Variants in SNX10 observed in about 807,000 individuals in gnomAD.
The protein encoded by SNX10 is sorting nexin 10.
SNX10 carries 25 observed loss-of-function variants against 28.5 expected under a neutral mutation model. That is an observed-to-expected ratio of 0.88 (90% CI 0.64 to 1.22). The LOEUF is 1.22. SNX10 is among the 50% of genes most tolerant of loss of function. The pLI is 0.00. For missense variants in SNX10, 223 were observed against 242.6 expected (o/e 0.92, Z 0.54); for synonymous variants, 62 against 81.4 (o/e 0.76, Z 1.28).
At chr7:26,344,180 T>TC (rs1788288822) in intron 1 of SNX10, among the ~76,000 whole-genome samples, 1 of 148,074 alleles carries the variant, frequency 6.8e-6, no homozygotes, top group African/African-American at 2.5e-5. Flanking sequence ...TCTGAATTTT[T>TC]TTTTTTTTTT....
intron 2 of SNX10, among the ~76,000 whole-genome samples, chr7:26,353,484 T>G: frequency 7.1e-6 from 1 of 140,406 alleles, no homozygotes; most frequent in Admixed American, 7.9e-5. Flanking sequence ...AGTCTTGGTC[T>G]GTCGGCCAGG....
chr7:26,327,159 T>C (rs1162223322), intron 1 of SNX10, among the ~76,000 whole-genome samples: 1 of 151,928 alleles, frequency 6.6e-6, no homozygotes, highest in African/African-American at 2.4e-5. Flanking sequence ...CCATGTTGGC[T>C]AGGCTTGTCT....
chr7:26,315,630 T>G (rs1787054303), intron 1 of SNX10, among the ~76,000 whole-genome samples: 1 of 151,370 alleles, frequency 6.6e-6, no homozygotes, highest in Non-Finnish European at 1.5e-5. Context: ...GTTTCGCCAC[T>G]GCACTTCTAG....
chr7:26,324,395 T>G (rs1176386317), intron 1 of SNX10, among the ~76,000 whole-genome samples: 1 of 152,188 alleles, frequency 6.6e-6, no homozygotes, highest in African/African-American at 2.4e-5. Flanking sequence ...GGTCTTGCAG[T>G]GTCACCCAGG....
At chr7:26,352,975 T>G (rs1355694150) in intron 2 of SNX10, among the ~76,000 whole-genome samples, 1 of 151,834 alleles carries the variant, frequency 6.6e-6, no homozygotes, top group East Asian at 2.0e-4. Flanking sequence ...TATTTCTTAC[T>G]GCAGAAGAGG....
At chr7:26,360,926 C>T (rs1408942590) in intron 2 of SNX10, 49 bp from the exon 3 acceptor site, 1 of 1,600,124 alleles carries the variant, frequency 6.2e-7, no homozygotes. Context: ...TCTTTCCAGT[C>T]CTACTTGCAG....
rs140631200 is a variant in SNX10, at chr7:26,329,969, G to C, written c.-23-16451G>C. Among the ~76,000 whole-genome samples, 76 of 152,200 alleles carry C rather than the reference G, an allele frequency of 5.0e-4. No homozygotes were observed. In the East Asian group the frequency reaches 0.012, roughly 24 times the overall value. ...GGTCCACAGGGAGATGGGAAGGGTG[G>C]GTCAGGGCTCTAGTGGTTTCATTCA... On this transcript the variant is annotated intron_variant, in intron 1 of 6. Coordinates refer to ENST00000338523, the MANE Select transcript of SNX10 (RefSeq NM_013322.3).
In SNX10 at chr7:26,360,966, C is replaced by A. The variant is rs1470331225; in HGVS notation, c.25-9C>A. ...GAAGAATATTTCTTTGTTTATGATG[C>A]CATTACAGGAATTTGTAAGTGTCTG... is the stretch of plus-strand genomic sequence containing the variant. On this transcript the variant is annotated splice_polypyrimidine_tract_variant and intron_variant, in intron 2 of 6. Transcript: ENST00000338523. 5.0e-6 allele frequency: 8 copies of A among 1,611,362 alleles called. No homozygotes were observed. Among genetic ancestry groups the A allele is most frequent in the Non-Finnish European group, 5.9e-6 (7 of 1,179,100 alleles).
At chr7:26,296,467 G>C (rs1786116797) in intron 1 of SNX10, among the ~76,000 whole-genome samples, 1 of 152,130 alleles carries the variant, frequency 6.6e-6, no homozygotes, top group African/African-American at 2.4e-5. Context: ...AGTGAGCCAT[G>C]ATCTCACCAC....
chr7:26,330,865 C>T (rs755126919), intron 1 of SNX10, among the ~76,000 whole-genome samples: 11 of 152,028 alleles, frequency 7.2e-5, no homozygotes, highest in Non-Finnish European at 1.2e-4. Context: ...AAAAACAGAA[C>T]TAAGCTGAGT....
intron 3 of SNX10, among the ~76,000 whole-genome samples, chr7:26,363,748 G>A (rs935818606): frequency 7.9e-6 from 1 of 126,672 alleles, no homozygotes; most frequent in Non-Finnish European, 1.8e-5. Context: ...TAGGATAGCT[G>A]GAAGGAAACC....
chr7:26,371,810 T>A lies in SNX10; in HGVS notation c.312-11T>A. 6.3e-7 allele frequency: 1 copy of A among 1,583,812 alleles called. No individual in the cohort carries two copies. The highest frequency in any genetic ancestry group is 8.6e-7 in the Non-Finnish European group (1 of 1,162,644). On this transcript the variant is annotated splice_polypyrimidine_tract_variant and intron_variant, in intron 5 of 6. Coordinates refer to ENST00000338523, the MANE Select transcript of SNX10 (RefSeq NM_013322.3). ...GTTCACCAATTATTTTTCCTTTTTTTTTTAATATAGAGTCCTACAGAATGC... is the reference window on the plus strand; with the variant it reads ...GTTCACCAATTATTTTTCCTTTTTTATTTAATATAGAGTCCTACAGAATGC...
At chr7:26,311,769 T>C (rs1254328766) in intron 1 of SNX10, among the ~76,000 whole-genome samples, 4 of 152,178 alleles carry the variant, frequency 2.6e-5, no homozygotes, top group Non-Finnish European at 5.9e-5. Flanking sequence ...TGGATTACTG[T>C]GTGGCCCACT....
chr7:26,355,219 A>G lies in SNX10; in HGVS notation c.25-5756A>G, dbSNP rs564991251. Among the ~76,000 whole-genome samples the G allele has an allele frequency of 3.0e-4, 45 of 152,080 alleles. No individual in the cohort carries two copies. In the South Asian group the frequency reaches 9.4e-3, roughly 32 times the overall value. On this transcript the variant is annotated intron_variant, in intron 2 of 6. Transcript: ENST00000338523. ...TGTGTCTATCCCTCTCTAGGACTCC[A>G]TTGTCTTGCTGCTGTAGCCTTAACA...
rs183666315 is a variant in SNX10 at position 26,373,555 on chromosome 7, C to T, written c.*983C>T. On this transcript the variant is annotated 3_prime_UTR_variant, in exon 7 of 7. Transcript: ENST00000338523. This position sits in a 1 kb window ranked among gnomAD's most constrained non-coding sequence, Gnocchi z 4.2. ...TTTTAAAAAGCCCCTTTTAAAGCAT[C>T]TACTTGAAGATTGGTATAATTTTCA... The T allele has an allele frequency of 2.6e-5, 4 of 152,092 alleles. No individual in the cohort carries two copies. The allele number at this position is 152,092 out of a possible 1,614,324, so 9.4% of individuals were successfully genotyped here.
chr7:26,372,471 C>A lies in SNX10; in HGVS notation c.525-20C>A. The A allele has an allele frequency of 6.6e-7, 1 of 1,505,098 alleles. No individual in the cohort carries two copies. The highest frequency in any genetic ancestry group is 9.2e-7 in the Non-Finnish European group (1 of 1,081,082). The allele number at this position is 1,505,098 out of a possible 1,614,324, so 93.2% of individuals were successfully genotyped here. On this transcript the variant is annotated intron_variant, in intron 6 of 6. Coordinates refer to ENST00000338523, the MANE Select transcript of SNX10 (RefSeq NM_013322.3). ...ACCAATTTCCTCTTTTTATTATTTT[C>A]CCCCTCTCTTCTTTTCCAGTTCATC...
At chr7:26,342,916 C>T (rs36062166) in intron 1 of SNX10, among the ~76,000 whole-genome samples, 5,362 of 152,236 alleles carry the variant, frequency 0.035, 159 homozygotes, top group Non-Finnish European at 0.054. Flanking sequence ...AAGCAGTCCT[C>T]CCACCTCAGC....
chr7:26,300,249 ATT>A (rs74964763), intron 1 of SNX10, among the ~76,000 whole-genome samples: 1 of 144,778 alleles, frequency 6.9e-6, no homozygotes, highest in Non-Finnish European at 1.5e-5. Flanking sequence ...CAAAATAATA[ATT>A]TTTTTTTTTT....
chr7:26,298,507 A>G (rs994512925), intron 1 of SNX10, among the ~76,000 whole-genome samples: 1 of 152,174 alleles, frequency 6.6e-6, no homozygotes, highest in Non-Finnish European at 1.5e-5. Flanking sequence ...AATTGGTACC[A>G]TCTCTTGGAA....
Sources: gnomAD v4.1 joint callset for allele counts (sites outside exome capture counted in the v4.1 genomes callset) on GRCh38, gnomAD v4.1.1 for gene constraint, Gnocchi (gnomAD v3.1) non-coding constraint, MANE v1.5 for transcripts, NCBI Gene and HGNC (gene_info 2026-07-23, HGNC 2026-07-21) for gene names.